CACNA1E: variants seen among roughly 807,000 people sequenced by gnomAD.
CACNA1E encodes the protein voltage-dependent R-type calcium channel subunit alpha-1E.
Under a neutral mutation model 259.2 loss-of-function variants are expected in CACNA1E, and 40 were observed. The ratio of observed to expected loss-of-function variants is 0.15; its 90% CI spans 0.12 to 0.20. The LOEUF is 0.20. CACNA1E is among the 10% of genes least tolerant of loss of function. CACNA1E has a pLI of 1.00. For synonymous variants in CACNA1E, 1,104 were observed against 1,138.5 expected (o/e 0.97, Z 0.61); for missense variants, 1,874 against 3,040.1 (o/e 0.62, Z 9.02).
intron 2 of CACNA1E, among the ~76,000 whole-genome samples, chr1:181,466,278 C>T (rs892529593): frequency 2.0e-5 from 3 of 152,100 alleles, no homozygotes; most frequent in African/African-American, 7.2e-5. Context: ...CATGGTGGCT[C>T]ATGCCTATAA....
At chr1:181,546,323 A>G (rs1647468517) in intron 3 of CACNA1E, among the ~76,000 whole-genome samples, 1 of 152,152 alleles carries the variant, frequency 6.6e-6, no homozygotes. Flanking sequence ...GAGAGCAGGT[A>G]GTGCCCTTCC....
chr1:181,611,563 A>C (rs771137431), intron 6 of CACNA1E, among the ~76,000 whole-genome samples: 4 of 152,126 alleles, frequency 2.6e-5, no homozygotes, highest in Non-Finnish European at 4.4e-5. Flanking sequence ...ATTCTTCCTC[A>C]AGGATAAGAT....
intron 1 of CACNA1E, among the ~76,000 whole-genome samples, chr1:181,385,314 G>A (rs988190125): frequency 2.0e-5 from 3 of 152,178 alleles, no homozygotes; most frequent in African/African-American, 4.8e-5. Flanking sequence ...TGAAAAACAG[G>A]CAGTGAATTG....
At chr1:181,440,139 G>A (rs527363938) in intron 2 of CACNA1E, among the ~76,000 whole-genome samples, 1 of 152,318 alleles carries the variant, frequency 6.6e-6, no homozygotes, top group East Asian at 1.9e-4. Flanking sequence ...TCAGGTAGAT[G>A]TTTTCTTTGG....
chr1:181,598,621 A>C (rs143012738), intron 6 of CACNA1E, among the ~76,000 whole-genome samples: 58 of 152,330 alleles, frequency 3.8e-4, no homozygotes, highest in African/African-American at 1.4e-3. Flanking sequence ...AGTTCCTTCT[A>C]TCAGGGAAAT....
At chr1:181,407,767 A>G (rs1557978851) in intron 1 of CACNA1E, among the ~76,000 whole-genome samples, 1 of 152,188 alleles carries the variant, frequency 6.6e-6, no homozygotes, top group Non-Finnish European at 1.5e-5. Context: ...GAGTATGCTG[A>G]GTAGGTCATT....
rs1006410365 is a variant in CACNA1E, at chr1:181,801,519, C to T, written c.*2685C>T. 7 of 152,192 alleles carry T rather than the reference C, an allele frequency of 4.6e-5. No individual in the cohort carries two copies. The highest frequency in any genetic ancestry group is 1.7e-4 in the African/African-American group (7 of 41,440). The allele number at this position is 152,192 out of a possible 1,614,324, so 9.4% of individuals were successfully genotyped here. On this transcript the variant is annotated 3_prime_UTR_variant, in exon 48 of 48. Transcript: ENST00000367573. ...CCAAGAAATTGGGTTTCTTTTCCCTCAGCCTGCACTTACTCTTCTATTAAG... is the reference window on the plus strand; with the variant it reads ...CCAAGAAATTGGGTTTCTTTTCCCTTAGCCTGCACTTACTCTTCTATTAAG...
chr1:181,400,249 A>G (rs1656996861), intron 1 of CACNA1E, among the ~76,000 whole-genome samples: 1 of 152,146 alleles, frequency 6.6e-6, no homozygotes, highest in South Asian at 2.1e-4. Flanking sequence ...TTTTAAATTT[A>G]TGTTTTACCT....
In CACNA1E at chr1:181,717,051, G is replaced by A. The variant is rs370430339; in HGVS notation, c.1316-42G>A. 7.9e-5 allele frequency: 123 copies of A among 1,559,254 alleles called. 1 individual carries two copies. The highest frequency in any genetic ancestry group is 1.0e-4 in the Non-Finnish European group (116 of 1,130,616). ...CGAATGCTCCCTGGCCCGGACCACA[G>A]GATATTTTGCAGTCTCATTCTTCCT... On this transcript the variant is annotated intron_variant, in intron 10 of 47. Coordinates refer to ENST00000367573, the MANE Select transcript of CACNA1E (RefSeq NM_001205293.3).
chr1:181,478,383 G>A (rs545558976), intron 2 of CACNA1E, among the ~76,000 whole-genome samples: 78 of 152,256 alleles, frequency 5.1e-4, no homozygotes, highest in African/African-American at 1.9e-3. Context: ...CCCAAGTAAG[G>A]GCTGTGAGGT....
chr1:181,539,486 A>G (rs7512415), intron 3 of CACNA1E, among the ~76,000 whole-genome samples: 35,646 of 152,040 alleles, frequency 0.23, 4,636 homozygotes, highest in African/African-American at 0.34. Flanking sequence ...CAAATGAAGA[A>G]ATGGAAGGTT....
chr1:181,623,464 A>G (rs1400220181), intron 6 of CACNA1E, among the ~76,000 whole-genome samples: 1 of 152,228 alleles, frequency 6.6e-6, no homozygotes, highest in South Asian at 2.1e-4. Context: ...GGGCCCATAA[A>G]TTTAGAAATT....
At chr1:181,639,554 G>C (rs1484988018) in intron 6 of CACNA1E, among the ~76,000 whole-genome samples, 1 of 152,140 alleles carries the variant, frequency 6.6e-6, no homozygotes, top group African/African-American at 2.4e-5. Context: ...TCTGCCTTCC[G>C]ACAGCTTACG....
intron 7 of CACNA1E, among the ~76,000 whole-genome samples, chr1:181,685,648 C>A (rs990942942): frequency 6.6e-6 from 1 of 152,166 alleles, no homozygotes; most frequent in African/African-American, 2.4e-5. Context: ...CTCACCTATT[C>A]AATAAACTTA....
At chr1:181,426,463 A>C in intron 2 of CACNA1E, among the ~76,000 whole-genome samples, 1 of 142,352 alleles carries the variant, frequency 7.0e-6, no homozygotes, top group African/African-American at 2.7e-5. Context: ...GCCCCATCAC[A>C]ACTCAACCCC....
intron 6 of CACNA1E, among the ~76,000 whole-genome samples, chr1:181,648,332 C>T (rs1241245455): frequency 6.6e-6 from 1 of 152,146 alleles, no homozygotes; most frequent in Non-Finnish European, 1.5e-5. Context: ...CCAAAACATA[C>T]TCACAAAATG....
intron 6 of CACNA1E, among the ~76,000 whole-genome samples, chr1:181,622,972 G>A (rs1655858157): frequency 6.6e-6 from 1 of 152,170 alleles, no homozygotes; most frequent in South Asian, 2.1e-4. Flanking sequence ...TGTGGTGAAG[G>A]AAATTTTCTA....
At chr1:181,590,687 G>A (rs936308193) in intron 6 of CACNA1E, among the ~76,000 whole-genome samples, 1 of 151,966 alleles carries the variant, frequency 6.6e-6, no homozygotes, top group Non-Finnish European at 1.5e-5. Flanking sequence ...CTGGTGGGTG[G>A]GTCACAGCAC....
chr1:181,440,000 C>T (rs1047723191), intron 2 of CACNA1E, among the ~76,000 whole-genome samples: 6 of 152,188 alleles, frequency 3.9e-5, no homozygotes, highest in Non-Finnish European at 8.8e-5. Context: ...ACAATCCTTT[C>T]GGCAATAATA....
Sources: allele counts gnomAD v4.1 joint callset (sites outside exome capture counted in the v4.1 genomes callset), GRCh38; gene constraint gnomAD v4.1.1; transcripts MANE v1.5; gene names NCBI Gene and HGNC (gene_info 2026-07-23, HGNC 2026-07-21).